Variants in CCDC170 observed in about 807,000 individuals in gnomAD.
CCDC170 encodes the protein coiled-coil domain containing 170, also known as coiled-coil domain-containing protein 170.
In CCDC170, 69 loss-of-function variants were observed where a neutral mutation model predicts 72.6. That is an observed-to-expected ratio of 0.95 (90% CI 0.78 to 1.16). The LOEUF (loss-of-function observed/expected upper bound fraction) is 1.16, where lower values mean the gene tolerates loss of function less well. CCDC170 is among the 50% of genes most tolerant of loss of function. The pLI is 0.00. For synonymous variants in CCDC170, 300 were observed against 303.9 expected (o/e 0.99, Z 0.13); for missense variants, 852 against 832.5 (o/e 1.02, Z -0.29).
chr6:151,565,180 C>G (rs942689843), intron 5 of CCDC170, among the ~76,000 whole-genome samples: 1 of 152,104 alleles, frequency 6.6e-6, no homozygotes, highest in Non-Finnish European at 1.5e-5. Context: ...CAGTGGGGCT[C>G]CTGGGATGTG....
chr6:151,506,642 C>A (rs1782070471), intron 1 of CCDC170, among the ~76,000 whole-genome samples: 1 of 152,114 alleles, frequency 6.6e-6, no homozygotes, highest in African/African-American at 2.4e-5. Context: ...CTGGTATTAA[C>A]CTTAAGACCA....
intron 1 of CCDC170, among the ~76,000 whole-genome samples, chr6:151,494,890 C>A (rs903371382): frequency 2.6e-5 from 4 of 152,200 alleles, no homozygotes; most frequent in Non-Finnish European, 5.9e-5. Context: ...GGTTAAGAAT[C>A]CCCCTTTGGC....
At chr6:151,537,934 A>T (rs1207567178) in intron 2 of CCDC170, 111 bp from the exon 3 acceptor site, 2 of 1,051,448 alleles carry the variant, frequency 1.9e-6, no homozygotes, top group Non-Finnish European at 1.4e-6. Context: ...AAGTTAGATT[A>T]AGTCATGAAT....
At chr6:151,580,112 T>C (rs1300259603) in intron 6 of CCDC170, among the ~76,000 whole-genome samples, 12 of 152,194 alleles carry the variant, frequency 7.9e-5, no homozygotes. Flanking sequence ...GAGACCATAC[T>C]GATTGATGTC....
intron 9 of CCDC170, among the ~76,000 whole-genome samples, chr6:151,613,747 G>A (rs1352569284): frequency 1.3e-5 from 2 of 152,098 alleles, no homozygotes; most frequent in Non-Finnish European, 2.9e-5. Flanking sequence ...GCCAGCTGAT[G>A]GCATTTGGGT....
intron 1 of CCDC170, among the ~76,000 whole-genome samples, chr6:151,532,665 T>C (rs1281969664): frequency 6.6e-6 from 1 of 152,062 alleles, no homozygotes; most frequent in African/African-American, 2.4e-5. Flanking sequence ...GAAAAATGAT[T>C]TTAGTTGGAA....
chr6:151,551,488 A>G (rs1286991747), intron 5 of CCDC170, among the ~76,000 whole-genome samples: 1 of 152,230 alleles, frequency 6.6e-6, no homozygotes, highest in Non-Finnish European at 1.5e-5. Flanking sequence ...AATGATGGAT[A>G]TCACTTTTGA....
intron 3 of CCDC170, among the ~76,000 whole-genome samples, chr6:151,539,810 C>T (rs189040050): frequency 6.6e-6 from 1 of 152,326 alleles, no homozygotes; most frequent in Admixed American, 6.5e-5. Context: ...AGTGTTCCCA[C>T]AAAATCCTTC....
chr6:151,596,718 T>A, intron 9 of CCDC170, 141 bp downstream of exon 9: 1 of 1,230,650 alleles, frequency 8.1e-7, no homozygotes. Context: ...ATGGGAAAAA[T>A]GCAAAAATGA....
chr6:151,590,821 T>C (rs899684797), intron 7 of CCDC170, among the ~76,000 whole-genome samples: 2 of 152,174 alleles, frequency 1.3e-5, no homozygotes, highest in African/African-American at 4.8e-5. Flanking sequence ...TATGTAGAAA[T>C]AGAAAGAAAG....
In CCDC170 at chr6:151,548,418, C is replaced by T. The variant is rs770372733; in HGVS notation, c.703C>T (p.Leu235=). ...AGCTAGCAGAGAAACGATCATGAGG[C>T]TGGCTTCAGAAGTCAACAGAGAGCA... is the stretch of plus-strand genomic sequence containing the variant. The part of the protein sequence containing the change: ...AKASRETIMR[L]ASEVNREQKK... The change falls in exon 5 of 11, where the codon CTG becomes TTG. Residue 235 remains leucine, a synonymous_variant. Transcript: ENST00000239374. 5.0e-6 allele frequency: 8 copies of T among 1,612,860 alleles called. No homozygotes were observed. The highest frequency in any genetic ancestry group is 1.7e-5 in the Admixed American group (1 of 59,944).
intron 6 of CCDC170, among the ~76,000 whole-genome samples, chr6:151,582,317 G>A (rs1230816313): frequency 6.6e-6 from 1 of 152,184 alleles, no homozygotes; most frequent in African/African-American, 2.4e-5. Flanking sequence ...GTACTTTTAT[G>A]TTATGGAGAT....
chr6:151,510,933 A>G (rs1782137975), intron 1 of CCDC170, among the ~76,000 whole-genome samples: 1 of 152,026 alleles, frequency 6.6e-6, no homozygotes, highest in Non-Finnish European at 1.5e-5. Context: ...ATGGGGTTTC[A>G]CTATGTTGGC....
At chr6:151,531,662 C>T (rs1188788218) in intron 1 of CCDC170, among the ~76,000 whole-genome samples, 1 of 152,118 alleles carries the variant, frequency 6.6e-6, no homozygotes, top group Non-Finnish European at 1.5e-5. Flanking sequence ...TTTTATGCTG[C>T]TAATAAAAAC....
intron 1 of CCDC170, among the ~76,000 whole-genome samples, chr6:151,498,685 A>G (rs1266581430): frequency 6.6e-6 from 1 of 152,240 alleles, no homozygotes; most frequent in Non-Finnish European, 1.5e-5. Flanking sequence ...GGCATGCTGT[A>G]TAAGTGGAAT....
chr6:151,510,466 G>C (rs145075004), intron 1 of CCDC170, among the ~76,000 whole-genome samples: 4 of 152,196 alleles, frequency 2.6e-5, no homozygotes, highest in Admixed American at 2.0e-4. Flanking sequence ...TATCAGTGAG[G>C]TTACAGAATA....
At chr6:151,601,678 C>G (rs1187212735) in intron 9 of CCDC170, among the ~76,000 whole-genome samples, 2 of 152,148 alleles carry the variant, frequency 1.3e-5, no homozygotes, top group Non-Finnish European at 2.9e-5. Flanking sequence ...GATGGGCTGA[C>G]AGACTGGAGA....
intron 1 of CCDC170, among the ~76,000 whole-genome samples, chr6:151,524,982 G>T (rs557047867): frequency 7.1e-6 from 1 of 140,990 alleles, no homozygotes; most frequent in East Asian, 2.2e-4. Flanking sequence ...GCCCAGGCTG[G>T]AGTGCAGTGG....
At chr6:151,603,692 C>T (rs1467385958) in intron 9 of CCDC170, among the ~76,000 whole-genome samples, 1 of 152,162 alleles carries the variant, frequency 6.6e-6, no homozygotes, top group Non-Finnish European at 1.5e-5. Context: ...CACCTGGTGA[C>T]CTCAGTTTTC....
Sources: allele counts gnomAD v4.1 joint callset (sites outside exome capture counted in the v4.1 genomes callset), GRCh38; gene constraint gnomAD v4.1.1; transcripts MANE v1.5; gene names NCBI Gene and HGNC (gene_info 2026-07-23, HGNC 2026-07-21).